The following ANK1 variants were observed in gnomAD, a reference collection of about 807,000 sequenced individuals.
The protein encoded by ANK1 is ankyrin 1.
ANK1 carries 51 observed loss-of-function variants against 210.4 expected under a neutral mutation model. That is an observed-to-expected ratio of 0.24 (90% CI 0.19 to 0.31). The LOEUF (loss-of-function observed/expected upper bound fraction) is 0.31, where lower values mean the gene tolerates loss of function less well. ANK1 is among the 10% of genes least tolerant of loss of function. The pLI, the probability that ANK1 is intolerant of heterozygous loss-of-function variation, is 1.00. For synonymous variants in ANK1, 967 were observed against 1,025.9 expected, an observed-to-expected ratio of 0.94 and a Z score of 1.10; for missense variants, 2,051 against 2,504.4, an observed-to-expected ratio of 0.82 and a Z score of 3.86.
intron 1 of ANK1, among the ~76,000 whole-genome samples, chr8:41,824,077 AG>A: frequency 6.6e-6 from 1 of 152,112 alleles, no homozygotes; most frequent in Middle Eastern, 3.4e-3. Flanking sequence ...CTCCTGCCTC[AG>A]CCTCCTGAGT....
intron 1 of ANK1, among the ~76,000 whole-genome samples, chr8:41,864,909 C>T (rs1814065404): frequency 1.3e-5 from 2 of 152,242 alleles, no homozygotes; most frequent in Admixed American, 1.3e-4. Context: ...AACTCAGCTT[C>T]TCCTCTCAGG....
At chr8:41,659,301 A>C (rs1023144116) in intron 42 of ANK1, among the ~76,000 whole-genome samples, 1 of 152,230 alleles carries the variant, frequency 6.6e-6, no homozygotes, top group Non-Finnish European at 1.5e-5. Flanking sequence ...CACAAGCTGC[A>C]AGGAGGACAC....
intron 35 of ANK1, 87 bp from the exon 36 acceptor site, chr8:41,686,370 G>A: frequency 1.3e-6 from 2 of 1,574,014 alleles, no homozygotes; most frequent in Admixed American, 1.7e-5. Context: ...TGGGCACTGG[G>A]GCGTGGGGGG....
chr8:41,668,865 A>G (rs755336610), intron 38 of ANK1, among the ~76,000 whole-genome samples: 7 of 152,046 alleles, frequency 4.6e-5, no homozygotes, highest in Non-Finnish European at 8.8e-5. Context: ...GCTCACCCTA[A>G]TGGTCCAAAC....
chr8:41,714,573 T>C (rs1049077483), intron 15 of ANK1, among the ~76,000 whole-genome samples: 3 of 152,126 alleles, frequency 2.0e-5, no homozygotes, highest in African/African-American at 7.2e-5. Flanking sequence ...CATGGAAATA[T>C]AAACAGGCCG....
At chr8:41,772,423 C>T (rs1843131273) in intron 1 of ANK1, among the ~76,000 whole-genome samples, 1 of 152,184 alleles carries the variant, frequency 6.6e-6, no homozygotes, top group African/African-American at 2.4e-5. Flanking sequence ...AGCTGATGCT[C>T]TTTTTTCCTC....
chr8:41,765,780 A>G (rs1236706571), intron 1 of ANK1, among the ~76,000 whole-genome samples: 1 of 152,174 alleles, frequency 6.6e-6, no homozygotes, highest in Non-Finnish European at 1.5e-5. Flanking sequence ...CTGAGCAGAT[A>G]CTAATATAGC....
Position 41,702,109 on chromosome 8 carries a change from C to T in ANK1, c.2331G>A (p.Leu777=). ...GCACGTCGGTGACAGAAATGTAGCCCAAGCGCTTGGCTATGGCCAGAGGTG... is the reference window on the plus strand; with the variant it reads ...GCACGTCGGTGACAGAAATGTAGCCTAAGCGCTTGGCTATGGCCAGAGGTG... The part of the protein sequence containing the change: ...GTTPLAIAKR[L]GYISVTDVLK... The change falls in exon 21 of 43, where the codon TTG becomes TTA. Residue 777 remains leucine (L), a synonymous_variant. Transcript: ENST00000289734. The T allele has an allele frequency of 6.2e-7, 1 of 1,614,186 alleles. No homozygotes were observed. The highest frequency in any genetic ancestry group is 8.5e-7 in the Non-Finnish European group (1 of 1,180,048).
At chr8:41,683,527 G>A (rs1816773420) in intron 37 of ANK1, among the ~76,000 whole-genome samples, 1 of 152,240 alleles carries the variant, frequency 6.6e-6, no homozygotes, top group Non-Finnish European at 1.5e-5. Flanking sequence ...GGCGGGGATG[G>A]CCCCTAAGAC....
chr8:41,701,801 T>C (rs907940764), intron 21 of ANK1, among the ~76,000 whole-genome samples, 179 bp from the exon 22 acceptor site: 6 of 152,176 alleles, frequency 3.9e-5, no homozygotes, highest in African/African-American at 9.7e-5. Context: ...CCGGGAAAAC[T>C]GGCTTCCCAT....
At chr8:41,796,358 C>G (rs754766493) in intron 1 of ANK1, among the ~76,000 whole-genome samples, 1 of 152,010 alleles carries the variant, frequency 6.6e-6, no homozygotes, top group Non-Finnish European at 1.5e-5. Flanking sequence ...ACACATTGCA[C>G]GGGACACCTG....
In ANK1 at chr8:41,761,502, G is replaced by A. The variant is rs1163281072; in HGVS notation, c.28-3365C>T. ...AAGCAAGGAACCTCTGGGAGGTGGA[G>A]GCTCATAGAAGAAGGCCCTGAAGCC... is the stretch of plus-strand genomic sequence containing the variant. On this transcript the variant is annotated intron_variant, in intron 1 of 42. Coordinates refer to ENST00000289734, the MANE Select transcript of ANK1 (RefSeq NM_000037.4). 2.0e-5 allele frequency among the ~76,000 whole-genome samples: 3 copies of A among 152,230 alleles called. 1 individual carries two copies. The highest frequency in any genetic ancestry group is 7.2e-5 in the African/African-American group (3 of 41,466).
intron 23 of ANK1, 32 bp downstream of exon 23, chr8:41,699,420 C>T (rs1425632389): frequency 6.2e-7 from 1 of 1,603,638 alleles, no homozygotes; most frequent in Non-Finnish European, 8.5e-7. Context: ...CATCTCGGCA[C>T]CCCCGGGGAC....
Position 41,653,255 on chromosome 8 carries a change from A to T in ANK1, c.*2535T>A, listed in dbSNP as rs1804660121. On this transcript the variant is annotated 3_prime_UTR_variant, in exon 43 of 43. Transcript: ENST00000289734. Reference sequence around the variant, plus strand: ...TTAGTCCATTTCTTTATTAATTTTGACATTGGTTCGGCTGGTGAAGGGAGA... The same window carrying T: ...TTAGTCCATTTCTTTATTAATTTTGTCATTGGTTCGGCTGGTGAAGGGAGA... 6.6e-6 allele frequency: 1 copy of T among 152,588 alleles called. No individual in the cohort carries two copies. Among genetic ancestry groups the T allele is most frequent in the Non-Finnish European group, 1.5e-5 (1 of 68,090 alleles). 9.5% of individuals were successfully genotyped at this position (152,588 alleles called of 1,614,324 possible). A position where few individuals can be genotyped will look rare whatever the true frequency, so the allele number is the denominator to read the frequency against.
intron 16 of ANK1, among the ~76,000 whole-genome samples, chr8:41,711,123 T>C (rs1254350802): frequency 6.6e-6 from 1 of 152,218 alleles, no homozygotes; most frequent in Non-Finnish European, 1.5e-5. Flanking sequence ...ATTTTTGCAC[T>C]GTATTAAAAG....
At chr8:41,752,487 C>A (rs1216485566) in intron 2 of ANK1, among the ~76,000 whole-genome samples, 2 of 152,124 alleles carry the variant, frequency 1.3e-5, no homozygotes, top group Non-Finnish European at 2.9e-5. Context: ...GCTCAAATAT[C>A]CAACTGCTTA....
At chr8:41,875,343 A>G (rs1020778834) in intron 1 of ANK1, among the ~76,000 whole-genome samples, 1 of 152,206 alleles carries the variant, frequency 6.6e-6, no homozygotes, top group African/African-American at 2.4e-5. Context: ...GAGGCAGGGG[A>G]TCAGTGCAAA....
chr8:41,809,931 G>A (rs1044137732), intron 1 of ANK1, among the ~76,000 whole-genome samples: 8 of 152,172 alleles, frequency 5.3e-5, no homozygotes, highest in Admixed American at 5.2e-4. Context: ...TGTTGTTTCA[G>A]GTTAACTGAC....
intron 1 of ANK1, among the ~76,000 whole-genome samples, chr8:41,811,294 C>T (rs1802446309): frequency 6.6e-6 from 1 of 152,168 alleles, no homozygotes; most frequent in Non-Finnish European, 1.5e-5. Context: ...AACTAAATTC[C>T]TCTCATAGTT....
Sources: gnomAD v4.1 joint callset for allele counts (sites outside exome capture counted in the v4.1 genomes callset) on GRCh38, gnomAD v4.1.1 for gene constraint, MANE v1.5 for transcripts, NCBI Gene and HGNC (gene_info 2026-07-23, HGNC 2026-07-21) for gene names.